Variants in CNTN4 observed in about 807,000 individuals in gnomAD.
CNTN4 encodes the protein contactin 4, also known as contactin-4.
A neutral mutation model predicts 122.5 loss-of-function variants in CNTN4; 77 were observed. That is an observed-to-expected ratio of 0.63 (90% CI 0.52 to 0.76). The LOEUF (loss-of-function observed/expected upper bound fraction) is 0.76, where lower values mean the gene tolerates loss of function less well. CNTN4 is among the 30% of genes least tolerant of loss of function. CNTN4 has a pLI of 0.00. For missense variants in CNTN4, 1,256 were observed against 1,259.1 expected (o/e 1.00, Z 0.04); for synonymous variants, 512 against 447.0 (o/e 1.15, Z -1.83).
intron 2 of CNTN4, among the ~76,000 whole-genome samples, chr3:2,292,777 G>T (rs1032782): frequency 0.47 from 71,371 of 151,998 alleles, 17,105 homozygotes; most frequent in East Asian, 0.65. Context: ...GTATTCTACA[G>T]ATGAATATAT....
intron 6 of CNTN4, among the ~76,000 whole-genome samples, chr3:2,778,951 A>G (rs995936818): frequency 6.6e-6 from 1 of 152,196 alleles, no homozygotes; most frequent in South Asian, 2.1e-4. Context: ...AACTTTTGCT[A>G]TTAGTTGCTA....
At chr3:2,565,442 A>G (rs2079116010) in intron 3 of CNTN4, among the ~76,000 whole-genome samples, 1 of 152,176 alleles carries the variant, frequency 6.6e-6, no homozygotes, top group Non-Finnish European at 1.5e-5. Context: ...CCAGCAAGTT[A>G]TTTGATTGAC....
intron 2 of CNTN4, among the ~76,000 whole-genome samples, chr3:2,299,325 A>G (rs1342478477): frequency 6.6e-6 from 1 of 152,184 alleles, no homozygotes; most frequent in Non-Finnish European, 1.5e-5. Context: ...TAATGAAAAC[A>G]AACTCATTAT....
chr3:2,755,241 G>T (rs768502544), intron 6 of CNTN4, among the ~76,000 whole-genome samples: 5 of 152,084 alleles, frequency 3.3e-5, no homozygotes, highest in Non-Finnish European at 7.4e-5. Flanking sequence ...ACTCATAACT[G>T]GCCTGACTAC....
intron 4 of CNTN4, among the ~76,000 whole-genome samples, chr3:2,677,226 TAG>T (rs1393755794): frequency 2.0e-5 from 3 of 150,200 alleles, no homozygotes; most frequent in Non-Finnish European, 3.0e-5. Flanking sequence ...TATATCTATA[TAG>T]AGAGATCTAT....
At chr3:2,650,858 G>A (rs2150191295) in intron 4 of CNTN4, among the ~76,000 whole-genome samples, 1 of 152,240 alleles carries the variant, frequency 6.6e-6, no homozygotes, top group South Asian at 2.1e-4. Context: ...CAAAAAACTT[G>A]CGTGGCTCAT....
intron 2 of CNTN4, 69 bp downstream of exon 2, chr3:2,100,708 G>A (rs1202837401): frequency 6.6e-6 from 1 of 152,180 alleles, no homozygotes; most frequent in Non-Finnish European, 1.5e-5. Flanking sequence ...GCAGTGGGTC[G>A]CAGGAGTAGG....
chr3:2,180,513 G>T (rs1290138416), intron 2 of CNTN4, among the ~76,000 whole-genome samples: 2 of 152,012 alleles, frequency 1.3e-5, no homozygotes, highest in African/African-American at 4.8e-5. Context: ...CTAGTAAGAG[G>T]ATTTTACTTC....
At chr3:2,749,016 A>G (rs1559462280) in intron 6 of CNTN4, among the ~76,000 whole-genome samples, 8 of 152,102 alleles carry the variant, frequency 5.3e-5, no homozygotes, top group Admixed American at 3.9e-4. Context: ...TCACTTCTCA[A>G]TTTAGGTATG....
chr3:2,449,798 A>G (rs926869640), intron 3 of CNTN4, among the ~76,000 whole-genome samples: 2 of 151,524 alleles, frequency 1.3e-5, no homozygotes, highest in Non-Finnish European at 2.9e-5. Flanking sequence ...TTATGACAAC[A>G]TGGATGAACT....
At chr3:2,969,384 G>A (rs1161046414) in intron 13 of CNTN4, among the ~76,000 whole-genome samples, 1 of 152,170 alleles carries the variant, frequency 6.6e-6, no homozygotes, top group Non-Finnish European at 1.5e-5. Flanking sequence ...GCTTTAACCA[G>A]GAGTGTGTGA....
At chr3:2,829,913 T>C (rs1430023057) in intron 7 of CNTN4, among the ~76,000 whole-genome samples, 1 of 152,138 alleles carries the variant, frequency 6.6e-6, no homozygotes, top group African/African-American at 2.4e-5. Flanking sequence ...TTAGTTCTAG[T>C]AAGAGAGATG....
At chr3:2,392,824 CA>C (rs1356979502) in intron 3 of CNTN4, among the ~76,000 whole-genome samples, 2 of 152,100 alleles carry the variant, frequency 1.3e-5, no homozygotes, top group Non-Finnish European at 2.9e-5. Flanking sequence ...ACTCTTGTAA[CA>C]AAGTACCACA....
chr3:2,606,307 G>A (rs944244472), intron 4 of CNTN4, among the ~76,000 whole-genome samples: 2 of 151,998 alleles, frequency 1.3e-5, no homozygotes, highest in African/African-American at 4.8e-5. Context: ...ACACAGGGAG[G>A]AGAACAACAT....
At chr3:2,888,948 T>C (rs1304800983) in intron 10 of CNTN4, among the ~76,000 whole-genome samples, 2 of 151,690 alleles carry the variant, frequency 1.3e-5, no homozygotes, top group Non-Finnish European at 1.5e-5. Flanking sequence ...AGGCTACGCT[T>C]CCTAGCCTGT....
Position 2,571,479 on chromosome 3 carries a change from C to T in CNTN4, c.-25C>T, listed in dbSNP as rs763748449. The T allele has an allele frequency of 6.3e-6, 10 of 1,592,868 alleles. No individual in the cohort carries two copies. The highest frequency in any genetic ancestry group is 1.7e-5 in the Admixed American group (1 of 59,974). On this transcript the variant is annotated 5_prime_UTR_variant, in exon 4 of 25. Transcript: ENST00000418658. ...TATTCGCTTGTTATTGGACTTGAAA[C>T]TCCCTTTGACCTCGGAAACTGAAGA...
At chr3:2,524,435 A>G (rs1160995371) in intron 3 of CNTN4, among the ~76,000 whole-genome samples, 2 of 152,106 alleles carry the variant, frequency 1.3e-5, no homozygotes, top group African/African-American at 4.8e-5. Context: ...GTGAACAGTG[A>G]CCCTATGAAT....
At chr3:2,214,719 C>T (rs944735819) in intron 2 of CNTN4, among the ~76,000 whole-genome samples, 1 of 152,094 alleles carries the variant, frequency 6.6e-6, no homozygotes, top group Non-Finnish European at 1.5e-5. Context: ...TGAAAACCAT[C>T]AAACCCTTAG....
intron 7 of CNTN4, among the ~76,000 whole-genome samples, chr3:2,851,664 T>A (rs767979721): frequency 6.6e-6 from 1 of 152,230 alleles, no homozygotes; most frequent in East Asian, 1.9e-4. Flanking sequence ...GGGGTTGTTA[T>A]CCCTTCTTTA....
Sources: allele counts gnomAD v4.1 joint callset (sites outside exome capture counted in the v4.1 genomes callset), GRCh38; gene constraint gnomAD v4.1.1; transcripts MANE v1.5; gene names NCBI Gene and HGNC (gene_info 2026-07-23, HGNC 2026-07-21).